TMPRSS11D: variants seen among roughly 807,000 people sequenced by gnomAD.
The protein encoded by TMPRSS11D is transmembrane protease serine 11D.
TMPRSS11D carries 32 observed loss-of-function variants against 44.4 expected under a neutral mutation model. That is an observed-to-expected ratio of 0.72 (90% CI 0.54 to 0.97). The LOEUF (loss-of-function observed/expected upper bound fraction) is 0.97, where lower values mean the gene tolerates loss of function less well. Among genes scored for constraint, TMPRSS11D ranks in the 50% least tolerant of loss-of-function variants. TMPRSS11D has a pLI of 0.00. For missense variants in TMPRSS11D, 446 were observed against 502.6 expected (o/e 0.89, Z 1.08); for synonymous variants, 179 against 177.9 (o/e 1.01, Z -0.05).
intron 9 of TMPRSS11D, among the ~76,000 whole-genome samples, chr4:67,823,018 C>A (rs1717690195): frequency 1.3e-5 from 2 of 152,148 alleles, no homozygotes; most frequent in African/African-American, 4.8e-5. Flanking sequence ...CTCTGAAACA[C>A]TCACTTGCAT....
At chr4:67,827,556 A>C in intron 7 of TMPRSS11D, 36 bp from the exon 8 acceptor site, 1 of 1,542,728 alleles carries the variant, frequency 6.5e-7, no homozygotes, top group Non-Finnish European at 8.7e-7. Flanking sequence ...ATGAGTAGGG[A>C]ATTTGTGAAC....
chr4:67,848,155 T>A (rs1718401758), intron 3 of TMPRSS11D, among the ~76,000 whole-genome samples: 1 of 152,218 alleles, frequency 6.6e-6, no homozygotes. Flanking sequence ...TTCAATATAT[T>A]TTGGGAAAAA....
intron 1 of TMPRSS11D, among the ~76,000 whole-genome samples, chr4:67,864,374 G>A (rs908615697): frequency 6.6e-6 from 1 of 151,890 alleles, no homozygotes; most frequent in African/African-American, 2.4e-5. Context: ...TCTCTAGACT[G>A]GCTCTGCAAG....
At chr4:67,840,093 G>A (rs976845331) in intron 4 of TMPRSS11D, among the ~76,000 whole-genome samples, 1 of 151,182 alleles carries the variant, frequency 6.6e-6, no homozygotes, top group Non-Finnish European at 1.5e-5. Flanking sequence ...GGTTGTACAG[G>A]GTCCCAAGTG....
chr4:67,865,543 G>A (rs1025543685), intron 1 of TMPRSS11D, among the ~76,000 whole-genome samples: 3 of 150,242 alleles, frequency 2.0e-5, no homozygotes, highest in Non-Finnish European at 3.0e-5. Context: ...GAAAAAGTTG[G>A]TTACTTGAAA....
chr4:67,834,729 A>G (rs531175248), intron 6 of TMPRSS11D, among the ~76,000 whole-genome samples: 66 of 152,298 alleles, frequency 4.3e-4, no homozygotes, highest in African/African-American at 1.5e-3. Flanking sequence ...GAGAAGCTAC[A>G]TAAACGGTGT....
intron 7 of TMPRSS11D, among the ~76,000 whole-genome samples, chr4:67,831,161 A>G (rs1252021140): frequency 6.6e-6 from 1 of 152,148 alleles, no homozygotes; most frequent in Non-Finnish European, 1.5e-5. Flanking sequence ...CATGAGGACA[A>G]CTGTTAAAGG....
chr4:67,872,025 T>C (rs573915373), intron 1 of TMPRSS11D, among the ~76,000 whole-genome samples: 3 of 152,276 alleles, frequency 2.0e-5, no homozygotes, highest in African/African-American at 7.2e-5. Flanking sequence ...AGGTTAGTTA[T>C]GTCCTTACTG....
Position 67,825,752 on chromosome 4 carries a change from C to T in TMPRSS11D, c.1075G>A (p.Gly359Ser). 6.2e-7 allele frequency: 1 copy of T among 1,612,954 alleles called. No homozygotes were observed. Among genetic ancestry groups the T allele is most frequent in the East Asian group, 2.2e-5 (1 of 44,844 alleles). ...CTTACCTGACATGCGTCCACTCCAC[C>T]TTGAGGTACTCCAGCACACAGCATT... The part of the protein sequence containing the change: ...SGMLCAGVPQ[G>S]GVDACQGDSG... The change falls in exon 9 of 10, where the codon GGT (glycine) becomes AGT (serine). Residue 359 changes from glycine to serine, a missense_variant. Coordinates refer to ENST00000283916, the MANE Select transcript of TMPRSS11D (RefSeq NM_004262.3).
intron 1 of TMPRSS11D, among the ~76,000 whole-genome samples, chr4:67,873,183 C>G (rs866139171): frequency 6.6e-6 from 1 of 152,116 alleles, no homozygotes; most frequent in Non-Finnish European, 1.5e-5. Flanking sequence ...TTCTGTAGCC[C>G]GAACTGATGA....
intron 3 of TMPRSS11D, among the ~76,000 whole-genome samples, chr4:67,844,776 T>C (rs1718319918): frequency 6.6e-6 from 1 of 151,732 alleles, no homozygotes. Flanking sequence ...AAGACTCTGT[T>C]TAAAAAAAAG....
chr4:67,829,807 A>G (rs1258629644), intron 7 of TMPRSS11D, among the ~76,000 whole-genome samples: 2 of 152,082 alleles, frequency 1.3e-5, no homozygotes, highest in Admixed American at 1.3e-4. Context: ...AATTATAAAA[A>G]TGAGCATCTT....
At chr4:67,877,457 A>G (rs545413808) in intron 1 of TMPRSS11D, among the ~76,000 whole-genome samples, 1 of 152,328 alleles carries the variant, frequency 6.6e-6, no homozygotes, top group South Asian at 2.1e-4. Flanking sequence ...AGAGAGAGAT[A>G]AACCAAAAAT....
intron 3 of TMPRSS11D, among the ~76,000 whole-genome samples, chr4:67,847,506 A>G (rs1718386589): frequency 6.6e-6 from 1 of 152,170 alleles, no homozygotes; most frequent in South Asian, 2.1e-4. Flanking sequence ...ACTAGATAAT[A>G]TAATCTTTCA....
At chr4:67,883,105 A>C (rs892522711) in intron 1 of TMPRSS11D, among the ~76,000 whole-genome samples, 4 of 151,984 alleles carry the variant, frequency 2.6e-5, no homozygotes, top group African/African-American at 4.8e-5. Context: ...TCCAATGTTC[A>C]GGAGATTTAA....
intron 9 of TMPRSS11D, among the ~76,000 whole-genome samples, chr4:67,823,394 T>G (rs541097022): frequency 1.1e-4 from 17 of 152,240 alleles, no homozygotes; most frequent in African/African-American, 3.9e-4. Context: ...TTCTGCACGA[T>G]GGATTAAGTC....
intron 3 of TMPRSS11D, among the ~76,000 whole-genome samples, chr4:67,845,882 A>G (rs904303998): frequency 3.9e-5 from 6 of 152,302 alleles, no homozygotes; most frequent in African/African-American, 1.4e-4. Context: ...AACAGGTCAC[A>G]TAAAGGTTGA....
At chr4:67,826,226 A>C (rs1165526866) in intron 8 of TMPRSS11D, among the ~76,000 whole-genome samples, 1 of 152,152 alleles carries the variant, frequency 6.6e-6, no homozygotes, top group Non-Finnish European at 1.5e-5. Context: ...ACCTAGCAGC[A>C]AAAGAGAAAC....
intron 1 of TMPRSS11D, among the ~76,000 whole-genome samples, chr4:67,861,144 A>G (rs1471602744): frequency 6.6e-6 from 1 of 152,140 alleles, no homozygotes; most frequent in Admixed American, 6.6e-5. Flanking sequence ...CTATAACTTT[A>G]TGATGTCTTT....
Sources: gnomAD v4.1 joint callset for allele counts (sites outside exome capture counted in the v4.1 genomes callset) on GRCh38, gnomAD v4.1.1 for gene constraint, MANE v1.5 for transcripts, NCBI Gene and HGNC (gene_info 2026-07-23, HGNC 2026-07-21) for gene names.